The following ADD3 variants were observed in gnomAD, a reference collection of about 807,000 sequenced individuals.
ADD3 encodes adducin 3.
Under a neutral mutation model 80.2 loss-of-function variants are expected in ADD3, and 25 were observed. The observed-to-expected ratio is 0.31, with a 90% confidence interval of 0.23 to 0.44. The LOEUF (loss-of-function observed/expected upper bound fraction) is 0.44. Ranked by LOEUF, ADD3 falls within the 20% of genes least tolerant of loss-of-function variation. ADD3 has a pLI of 1.00. For synonymous variants in ADD3, 284 were observed against 289.6 expected (o/e 0.98, Z 0.20); for missense variants, 829 against 847.5 (o/e 0.98, Z 0.27).
At chr10:110,027,875 C>T (rs1854498148) in intron 1 of ADD3, among the ~76,000 whole-genome samples, 1 of 152,174 alleles carries the variant, frequency 6.6e-6, no homozygotes, top group South Asian at 2.1e-4. Flanking sequence ...TGAAAAAGTG[C>T]AACTGTTACT....
At chr10:109,997,933 A>G (rs550239212) in intron 1 of ADD3, among the ~76,000 whole-genome samples, 1 of 152,290 alleles carries the variant, frequency 6.6e-6, no homozygotes, top group African/African-American at 2.4e-5. Flanking sequence ...TTTCATGTAC[A>G]CTTAAATTTG....
At chr10:110,085,480 A>G (rs1266413164) in intron 1 of ADD3, among the ~76,000 whole-genome samples, 2 of 152,208 alleles carry the variant, frequency 1.3e-5, no homozygotes, top group African/African-American at 4.8e-5. Flanking sequence ...TATGAGTGAG[A>G]TTCAGTAGGT....
At position 110,119,352 on chromosome 10, in the gene ADD3, A is replaced by C. The variant is rs1166129731; in HGVS notation, c.859A>C (p.Lys287Gln). The change falls in exon 7 of 15, where the codon AAG becomes CAG. Residue 287 changes from lysine to glutamine, a missense_variant and splice_region_variant. By Grantham distance (53) the Lys-to-Gln change is moderately conservative (BLOSUM62 1). Transcript: ENST00000356080. ...GCAGAAGGTTCTGGGACCAAGTTGT[A>C]AGGTATGTAGTAGAGTTTGTCTAAG... ...QLQKVLGPSCKVLVLRNHGVV... is the reference protein window; with the variant it reads ...QLQKVLGPSCQVLVLRNHGVV... The C allele has an allele frequency of 6.2e-7, 1 of 1,613,948 alleles. No individual in the cohort carries two copies. Among genetic ancestry groups the C allele is most frequent in the Non-Finnish European group, 8.5e-7 (1 of 1,179,990 alleles).
intron 12 of ADD3, among the ~76,000 whole-genome samples, chr10:110,128,756 G>A (rs1257161614): frequency 6.6e-6 from 1 of 152,104 alleles, no homozygotes; most frequent in East Asian, 1.9e-4. Context: ...TTCCCTGAAT[G>A]TTCCTTTTTA....
intron 1 of ADD3, among the ~76,000 whole-genome samples, chr10:110,030,048 G>C (rs1854806600): frequency 6.6e-6 from 1 of 152,156 alleles, no homozygotes; most frequent in Non-Finnish European, 1.5e-5. Context: ...TGATGGCTGG[G>C]CACGGTGGCT....
intron 1 of ADD3, among the ~76,000 whole-genome samples, chr10:110,061,657 T>G (rs1858905286): frequency 6.6e-6 from 1 of 152,186 alleles, no homozygotes; most frequent in Non-Finnish European, 1.5e-5. Flanking sequence ...CTATTTGCTT[T>G]TCTTTTGTAT....
intron 1 of ADD3, among the ~76,000 whole-genome samples, chr10:110,029,299 T>C (rs1287178610): frequency 6.6e-6 from 1 of 152,234 alleles, no homozygotes; most frequent in African/African-American, 2.4e-5. Context: ...GATTATAAAC[T>C]TGTAGTAATT....
chr10:110,063,737 TTA>T lies in ADD3; in HGVS notation c.-29-36843_-29-36842del, dbSNP rs139871560. Among the ~76,000 whole-genome samples, 635 of 64,306 alleles carry T rather than the reference TTA, an allele frequency of 9.9e-3. 3 individuals carry two copies. The highest frequency in any genetic ancestry group is 0.018 in the African/African-American group (292 of 16,336). 42.2% of individuals were successfully genotyped at this position (64,306 alleles called of 152,430 possible). On this transcript the variant is annotated intron_variant, in intron 1 of 14. Transcript: ENST00000356080. ...TGATGAATATGAATATATATATTCA[TTA>T]TATATATATATATATATATATATAT...
upstream of ADD3, among the ~76,000 whole-genome samples, chr10:110,007,712 G>A (rs1851771889): frequency 6.6e-6 from 1 of 152,182 alleles, no homozygotes; most frequent in Non-Finnish European, 1.5e-5. Context: ...CGGACTTAGA[G>A]CTTGAGGGCG....
chr10:110,121,281 C>T (rs548405703), intron 8 of ADD3, among the ~76,000 whole-genome samples: 11 of 152,024 alleles, frequency 7.2e-5, no homozygotes, highest in South Asian at 6.2e-4. Context: ...GTCAGGAGTT[C>T]GAGACCAGCC....
At chr10:110,116,989 C>T (rs1009557314) in intron 4 of ADD3, among the ~76,000 whole-genome samples, 1 of 152,110 alleles carries the variant, frequency 6.6e-6, no homozygotes, top group African/African-American at 2.4e-5. Context: ...CTTTCCTTTG[C>T]CCATTTTGCC....
chr10:110,122,310 A>G lies in ADD3; in HGVS notation c.1143+18A>G. 2.5e-6 allele frequency: 4 copies of G among 1,609,156 alleles called. No individual in the cohort carries two copies. The highest frequency in any genetic ancestry group is 3.4e-6 in the Non-Finnish European group (4 of 1,177,382). ...ACAACTTGGTAGGTTGCAAAATTGAAGTAAAACTTGGATTTAATGTCTTCA... is the reference window on the plus strand; with the variant it reads ...ACAACTTGGTAGGTTGCAAAATTGAGGTAAAACTTGGATTTAATGTCTTCA... On this transcript the variant is annotated intron_variant, in intron 9 of 14. Coordinates refer to ENST00000356080, the MANE Select transcript of ADD3 (RefSeq NM_016824.5).
intron 1 of ADD3, among the ~76,000 whole-genome samples, chr10:110,059,711 G>C (rs1010238191): frequency 1.3e-5 from 2 of 152,214 alleles, no homozygotes; most frequent in African/African-American, 4.8e-5. Flanking sequence ...GGAGGTTGCA[G>C]TGAGCCAAGA....
rs183168417 is a variant in ADD3, at chr10:110,037,720, T to A, written c.-30+29421T>A. ...ATAACATACACTGCATTCAGCACTA[T>A]TTTTATGTATGTTTGTTTCTGATTG... On this transcript the variant is annotated intron_variant, in intron 1 of 14. Coordinates refer to ENST00000356080, the MANE Select transcript of ADD3 (RefSeq NM_016824.5). 2.3e-3 allele frequency among the ~76,000 whole-genome samples: 343 copies of A among 152,278 alleles called. 2 individuals carry two copies. Among genetic ancestry groups the A allele is most frequent in the Non-Finnish European group, 3.5e-3 (240 of 68,016 alleles).
chr10:110,054,369 A>C (rs957422118), intron 1 of ADD3, among the ~76,000 whole-genome samples: 2 of 151,954 alleles, frequency 1.3e-5, no homozygotes, highest in East Asian at 3.9e-4. Flanking sequence ...TTAGAATTAG[A>C]AGCCCTAGAT....
At chr10:110,034,446 A>G (rs1353130494) in intron 1 of ADD3, among the ~76,000 whole-genome samples, 1 of 151,496 alleles carries the variant, frequency 6.6e-6, no homozygotes, top group Non-Finnish European at 1.5e-5. Context: ...ATTTAAAATT[A>G]TATTTTTTCA....
At chr10:110,052,934 A>G (rs1252656083) in intron 1 of ADD3, among the ~76,000 whole-genome samples, 4 of 152,210 alleles carry the variant, frequency 2.6e-5, no homozygotes, top group Non-Finnish European at 5.9e-5. Flanking sequence ...AGTATGTTCT[A>G]TGAAGATATA....
intron 1 of ADD3, among the ~76,000 whole-genome samples, chr10:110,091,396 C>T (rs1847490248): frequency 6.6e-6 from 1 of 152,142 alleles, no homozygotes; most frequent in African/African-American, 2.4e-5. Context: ...TACAAGACTA[C>T]AGTAACTAAA....
intron 1 of ADD3, among the ~76,000 whole-genome samples, chr10:110,076,504 T>C (rs1845390863): frequency 2.0e-5 from 3 of 152,160 alleles, no homozygotes; most frequent in Admixed American, 2.0e-4. Flanking sequence ...AAGGGAACTA[T>C]TGCTAGTTGA....
Sources: allele counts gnomAD v4.1 joint callset (sites outside exome capture counted in the v4.1 genomes callset), GRCh38; gene constraint gnomAD v4.1.1; transcripts MANE v1.5; gene names NCBI Gene and HGNC (gene_info 2026-07-23, HGNC 2026-07-21).